The following KLF13 variants were observed in gnomAD, a reference collection of about 807,000 sequenced individuals.
KLF13 encodes Krueppel-like factor 13.
KLF13 carries 8 observed loss-of-function variants against 16.7 expected under a neutral mutation model. That is an observed-to-expected ratio of 0.48 (90% CI 0.28 to 0.87). KLF13 has a LOEUF of 0.87. KLF13 is among the 40% of genes least tolerant of loss of function. The pLI is 0.10. For synonymous variants in KLF13, 245 were observed against 208.4 expected (o/e 1.18, Z -1.51); for missense variants, 447 against 452.2 (o/e 0.99, Z 0.10).
downstream of KLF13, among the ~76,000 whole-genome samples, chr15:31,380,614 T>C (rs1014005784): frequency 6.6e-6 from 1 of 152,208 alleles, no homozygotes; most frequent in African/African-American, 2.4e-5. Flanking sequence ...GACTAGGCGA[T>C]GTGTAGCTTA....
chr15:31,363,630 G>A (rs888185551), intron 1 of KLF13, among the ~76,000 whole-genome samples: 3 of 152,164 alleles, frequency 2.0e-5, no homozygotes, highest in Non-Finnish European at 4.4e-5. Flanking sequence ...GGGATTACAG[G>A]CGCTCGCCAC....
At chr15:31,361,061 G>T (rs2039375797) in intron 1 of KLF13, among the ~76,000 whole-genome samples, 1 of 152,220 alleles carries the variant, frequency 6.6e-6, no homozygotes, top group Admixed American at 6.5e-5. Flanking sequence ...CTGCAGGGGA[G>T]CTGGGGACCG....
intron 1 of KLF13, among the ~76,000 whole-genome samples, chr15:31,365,847 C>T (rs1046180176): frequency 3.9e-5 from 6 of 152,070 alleles, no homozygotes; most frequent in Admixed American, 1.3e-4. Flanking sequence ...GGTGTTGAGG[C>T]GGATTGGGGG....
chr15:31,345,408 C>T (rs1220304074), intron 1 of KLF13, among the ~76,000 whole-genome samples: 1 of 152,208 alleles, frequency 6.6e-6, no homozygotes, highest in African/African-American at 2.4e-5. Context: ...CTGCCTTTGC[C>T]CTGCTGCACC....
chr15:31,364,676 GCC>G (rs890720313), intron 1 of KLF13, among the ~76,000 whole-genome samples: 1 of 152,238 alleles, frequency 6.6e-6, no homozygotes, highest in Non-Finnish European at 1.5e-5. Context: ...CTGCTTCCTT[GCC>G]CCAGGCAGGT....
At chr15:31,353,599 C>G (rs902233337) in intron 1 of KLF13, among the ~76,000 whole-genome samples, 44 of 152,258 alleles carry the variant, frequency 2.9e-4, no homozygotes, top group African/African-American at 8.2e-4. Context: ...CCTCAGATTC[C>G]TGGCCTCAAT....
chr15:31,368,258 A>G (rs533868188), intron 1 of KLF13, among the ~76,000 whole-genome samples: 1 of 152,318 alleles, frequency 6.6e-6, no homozygotes, highest in South Asian at 2.1e-4. Context: ...GTCACAACTC[A>G]GGGCAAACAG....
At chr15:31,398,768 T>G (rs1265666271) in intron 2 of KLF13, among the ~76,000 whole-genome samples, 1 of 152,086 alleles carries the variant, frequency 6.6e-6, no homozygotes, top group Non-Finnish European at 1.5e-5. Context: ...GAGTCAACCA[T>G]GCACGGTGCC....
intron 1 of KLF13, among the ~76,000 whole-genome samples, chr15:31,354,740 T>G (rs2039273273): frequency 6.6e-6 from 1 of 152,168 alleles, no homozygotes; most frequent in Non-Finnish European, 1.5e-5. Flanking sequence ...GCCCACATCT[T>G]CAGGACACCC....
At chr15:31,359,511 G>C (rs1292251296) in intron 1 of KLF13, among the ~76,000 whole-genome samples, 2 of 152,218 alleles carry the variant, frequency 1.3e-5, no homozygotes, top group Admixed American at 6.5e-5. Context: ...TGGGTGAAAG[G>C]TACGTGTGTG....
chr15:31,365,350 T>C (rs1264231285), intron 1 of KLF13, among the ~76,000 whole-genome samples: 1 of 152,134 alleles, frequency 6.6e-6, no homozygotes, highest in African/African-American at 2.4e-5. Context: ...TGATGGCTCA[T>C]TTGCCTTTCC....
chr15:31,334,096 TG>T (rs2038885147), intron 1 of KLF13, among the ~76,000 whole-genome samples: 1 of 152,234 alleles, frequency 6.6e-6, no homozygotes, highest in Non-Finnish European at 1.5e-5. Context: ...TGTTGGGGGT[TG>T]GGTTCAGCTT....
chr15:31,370,665 C>T (rs774369900), intron 1 of KLF13, among the ~76,000 whole-genome samples: 11 of 152,082 alleles, frequency 7.2e-5, no homozygotes, highest in Non-Finnish European at 1.3e-4. Flanking sequence ...GTGATCCACC[C>T]GCCTCAGCCT....
intron 1 of KLF13, among the ~76,000 whole-genome samples, chr15:31,344,134 C>T (rs918035100): frequency 5.3e-5 from 8 of 152,152 alleles, no homozygotes; most frequent in Admixed American, 3.9e-4. Context: ...CTCCTGCTAG[C>T]GCTGCGCACC....
At chr15:31,389,595 C>G (rs2039834792), upstream of KLF13, among the ~76,000 whole-genome samples, 1 of 152,194 alleles carries the variant, frequency 6.6e-6, no homozygotes, top group Non-Finnish European at 1.5e-5. Context: ...ATATTTACTA[C>G]CATACCTTTG....
intron 1 of KLF13, among the ~76,000 whole-genome samples, chr15:31,355,633 A>G (rs1017326418): frequency 1.3e-4 from 20 of 152,172 alleles, no homozygotes; most frequent in Non-Finnish European, 1.9e-4. Context: ...ATGATGGCAC[A>G]TGAGCGCCTG....
intron 1 of KLF13, among the ~76,000 whole-genome samples, chr15:31,341,589 T>C (rs2039023229): frequency 7.0e-6 from 1 of 143,576 alleles, no homozygotes; most frequent in African/African-American, 2.6e-5. Context: ...CAGGCTGGAG[T>C]GCAGTGGTGC....
chr15:31,365,989 C>T (rs1287245158), intron 1 of KLF13, among the ~76,000 whole-genome samples: 1 of 152,030 alleles, frequency 6.6e-6, no homozygotes, highest in Admixed American at 6.5e-5. Flanking sequence ...TAAGATGAGG[C>T]AATTGCTCTC....
downstream of KLF13, among the ~76,000 whole-genome samples, chr15:31,405,449 CTTAATT>C (rs1443814885): frequency 4.6e-5 from 7 of 152,232 alleles, no homozygotes; most frequent in African/African-American, 1.7e-4. Flanking sequence ...ATGCTGGCGC[CTTAATT>C]TTAGACTTTC....
Sources: allele counts gnomAD v4.1 joint callset (sites outside exome capture counted in the v4.1 genomes callset), GRCh38; gene constraint gnomAD v4.1.1; transcripts MANE v1.5; gene names NCBI Gene and HGNC (gene_info 2026-07-23, HGNC 2026-07-21).